Variants in SYTL3 observed in about 807,000 individuals in gnomAD.
SYTL3 encodes synaptotagmin like 3.
A neutral mutation model predicts 82.1 loss-of-function variants in SYTL3; 88 were observed. That is an observed-to-expected ratio of 1.07 (90% CI 0.90 to 1.28). SYTL3 has a LOEUF of 1.28. SYTL3 is among the 50% of genes most tolerant of loss of function. SYTL3 has a pLI of 0.00. For synonymous variants in SYTL3, 311 were observed against 289.4 expected (o/e 1.07, Z -0.76); for missense variants, 831 against 757.6 (o/e 1.10, Z -1.14).
chr6:158,663,049 G>T lies in SYTL3; in HGVS notation c.-220G>T. ...ACGAGGCTCTGCGAGCCGTAACTCC[G>T]ACAAACGCAGAACTTCTTGAGGCTT... On this transcript the variant is annotated 5_prime_UTR_variant, in exon 4 of 18. Transcript: ENST00000611299. 1 of 438,102 alleles carries T rather than the reference G, an allele frequency of 2.3e-6. No homozygotes were observed. The highest frequency in any genetic ancestry group is 4.1e-6 in the Non-Finnish European group (1 of 245,784). The allele number at this position is 438,102 out of a possible 1,614,324, so 27.1% of individuals were successfully genotyped here. A position where few individuals can be genotyped will look rare whatever the true frequency, so the allele number is the denominator to read the frequency against.
chr6:158,713,881 A>C lies in SYTL3; in HGVS notation c.595+3A>C. ...GTCTCTTGCTACCCACGTGAAAAGT[A>C]AGTGCATGCTTCATGATGTGTTTTC... On this transcript the variant is annotated splice_donor_region_variant and intron_variant, in intron 9 of 17. Transcript: ENST00000611299. 6.5e-7 allele frequency: 1 copy of C among 1,547,594 alleles called. No individual in the cohort carries two copies. The highest frequency in any genetic ancestry group is 1.2e-5 in the South Asian group (1 of 83,996).
At chr6:158,672,695 G>A (rs555913226) in intron 5 of SYTL3, among the ~76,000 whole-genome samples, 11 of 151,574 alleles carry the variant, frequency 7.3e-5, no homozygotes, top group Admixed American at 3.9e-4. Flanking sequence ...GCAGTGGCAC[G>A]ATATCAGCTC....
At chr6:158,666,329 T>C (rs919603676) in intron 5 of SYTL3, among the ~76,000 whole-genome samples, 2 of 152,246 alleles carry the variant, frequency 1.3e-5, no homozygotes, top group African/African-American at 4.8e-5. Context: ...TTCCCTTTAG[T>C]GACAGACTGA....
chr6:158,692,849 G>C (rs577869675), intron 6 of SYTL3, among the ~76,000 whole-genome samples: 1 of 152,178 alleles, frequency 6.6e-6, no homozygotes, highest in African/African-American at 2.4e-5. Context: ...CACTCGGCAG[G>C]CTGAGGCAGG....
At chr6:158,710,677 G>A (rs2885285) in intron 8 of SYTL3, among the ~76,000 whole-genome samples, 46,159 of 151,946 alleles carry the variant, frequency 0.3, 7,343 homozygotes, top group African/African-American at 0.34. Context: ...ATTTGGCAGC[G>A]GAGATTTCTT....
chr6:158,736,143 A>T (rs1786125264), intron 11 of SYTL3, among the ~76,000 whole-genome samples: 1 of 149,422 alleles, frequency 6.7e-6, no homozygotes, highest in Non-Finnish European at 1.5e-5. Flanking sequence ...CAAGGTCAGG[A>T]GTTTGAGACC....
At chr6:158,707,383 C>T in intron 7 of SYTL3, 102 bp downstream of exon 7, 1 of 880,560 alleles carries the variant, frequency 1.1e-6, no homozygotes, top group Non-Finnish European at 1.7e-6. Context: ...CATGTCACTG[C>T]TTTGGAATGT....
chr6:158,707,395 A>G (rs1279511596), intron 7 of SYTL3, 114 bp downstream of exon 7: 2 of 736,988 alleles, frequency 2.7e-6, no homozygotes, highest in South Asian at 2.3e-5. Flanking sequence ...TTGGAATGTG[A>G]CTCTTTTTTT....
intron 11 of SYTL3, among the ~76,000 whole-genome samples, chr6:158,732,558 C>T (rs1785542112): frequency 6.6e-6 from 1 of 152,244 alleles, no homozygotes. Context: ...GGATAGTAAA[C>T]TGTGCCAGAC....
intron 10 of SYTL3, among the ~76,000 whole-genome samples, chr6:158,721,168 C>A (rs900531133): frequency 1.3e-5 from 2 of 152,182 alleles, no homozygotes; most frequent in African/African-American, 4.8e-5. Flanking sequence ...TTCCAACTTT[C>A]TGCAGGCCTT....
chr6:158,712,832 C>T (rs1006283691), intron 8 of SYTL3, among the ~76,000 whole-genome samples: 5 of 150,110 alleles, frequency 3.3e-5, no homozygotes, highest in African/African-American at 1.2e-4. Flanking sequence ...GATCTCGACT[C>T]ATTGCAAGCT....
intron 17 of SYTL3, among the ~76,000 whole-genome samples, chr6:158,764,246 CTCACTT>C (rs899191002): frequency 6.6e-6 from 1 of 152,226 alleles, no homozygotes; most frequent in African/African-American, 2.4e-5. Flanking sequence ...GAGTCCTCGC[CTCACTT>C]TCAAACTACA....
chr6:158,697,929 A>T (rs1388611348), intron 6 of SYTL3, among the ~76,000 whole-genome samples: 1 of 152,190 alleles, frequency 6.6e-6, no homozygotes, highest in Admixed American at 6.5e-5. Flanking sequence ...AGGATGCTGG[A>T]TAGGGGATGC....
chr6:158,745,889 AT>A (rs1320819771), intron 12 of SYTL3, among the ~76,000 whole-genome samples: 1 of 152,228 alleles, frequency 6.6e-6, no homozygotes, highest in African/African-American at 2.4e-5. Flanking sequence ...CTTAGCGTAT[AT>A]GAAAACTTAC....
Position 158,725,503 on chromosome 6 carries a change from A to G in SYTL3, c.721A>G (p.Lys241Glu). ...SDTAVNVTTR[K>E]VSAPDILKPL... is the part of the protein sequence containing the mutation. ...TTAATTTCTGTTTTTCCTTCTCCAG[A>G]AGGTCAGTGCACCAGATATTCTGAA... Residue 241 changes from lysine to glutamate, a missense_variant and splice_region_variant, in exon 11 of 18, where the codon AAG (lysine) becomes GAG (glutamate). By Grantham distance (56) the Lys-to-Glu change is moderately conservative (BLOSUM62 1). Transcript: ENST00000611299. 5 of 1,612,868 alleles carry G rather than the reference A, an allele frequency of 3.1e-6. No homozygotes were observed. Among genetic ancestry groups the G allele is most frequent in the Non-Finnish European group, 4.2e-6 (5 of 1,179,616 alleles).
At chr6:158,659,480 C>A (rs6455596) in intron 2 of SYTL3, among the ~76,000 whole-genome samples, 22 of 152,070 alleles carry the variant, frequency 1.4e-4, no homozygotes, top group Admixed American at 1.3e-3. Flanking sequence ...CTCAGCCTCC[C>A]GAGTAGCTGA....
rs748802452 is a variant in SYTL3 at position 158,751,906 on chromosome 6, C to T, written c.1035-22C>T. 5 of 1,573,974 alleles carry T rather than the reference C, an allele frequency of 3.2e-6. No individual in the cohort carries two copies. The Admixed American group carries it at 7.1e-5, about 22-fold the overall frequency. On this transcript the variant is annotated intron_variant, in intron 12 of 17. Transcript: ENST00000611299. ...CCCTTTCCCTGAGTTCTCACTCTGTCCCCGCTGTGTTTGGCCCCTAGGTAT... is the reference window on the plus strand; with the variant it reads ...CCCTTTCCCTGAGTTCTCACTCTGTTCCCGCTGTGTTTGGCCCCTAGGTAT...
At position 158,663,386 on chromosome 6, in the gene SYTL3, G is replaced by T. The variant is rs899026933; in HGVS notation, c.110+8G>T. The stretch of plus-strand genomic sequence containing the variant: ...AGAGGAGGAGAGGACACGGTAGGCT[G>T]CCCTTCCCGGGGGGTCACTTTGGGT... On this transcript the variant is annotated splice_region_variant and intron_variant, in intron 4 of 17. Transcript: ENST00000611299. The T allele has an allele frequency of 1.2e-6, 2 of 1,612,918 alleles. No homozygotes were observed. The highest frequency in any genetic ancestry group is 8.5e-7 in the Non-Finnish European group (1 of 1,179,818).
At chr6:158,746,518 T>C (rs1787686623) in intron 12 of SYTL3, among the ~76,000 whole-genome samples, 1 of 149,068 alleles carries the variant, frequency 6.7e-6, no homozygotes, top group African/African-American at 2.5e-5. Flanking sequence ...CAGACTGGAG[T>C]GCGGTGGCGC....
Sources: gnomAD v4.1 joint callset for allele counts (sites outside exome capture counted in the v4.1 genomes callset) on GRCh38, gnomAD v4.1.1 for gene constraint, MANE v1.5 for transcripts, NCBI Gene and HGNC (gene_info 2026-07-23, HGNC 2026-07-21) for gene names.